Variants in PKD1L3 observed in about 807,000 individuals in gnomAD.
PKD1L3 encodes polycystin-1-like protein 3.
Under a neutral mutation model 184.1 loss-of-function variants are expected in PKD1L3, and 239 were observed. The observed-to-expected ratio is 1.30, with a 90% CI of 1.17 to 1.45. The LOEUF is 1.45. Ranked by LOEUF, PKD1L3 falls within the 40% of genes most tolerant of loss-of-function variation. The probability of loss-of-function intolerance (pLI) is 0.00; values close to 1 mark genes in which losing one functional copy is unlikely to be tolerated. For synonymous variants in PKD1L3, 996 were observed against 778.8 expected (o/e 1.28, Z -4.64); for missense variants, 2,660 against 2,067.2 (o/e 1.29, Z -5.56).
rs2143652337 is a variant in PKD1L3, at chr16:71,973,431, G to C, written c.1846C>G (p.Gln616Glu). ...CTGGGTGTCTGCTGAGCACCCTCCT[G>C]CCTCTCACTCAGCACAGCTGTTATA... is the stretch of plus-strand genomic sequence containing the variant. ...YYITAVLSER[Q>E]EGAQQTPSLV... The change falls in exon 12 of 30, where the codon CAG (glutamine) becomes GAG (glutamate). Residue 616 changes from glutamine to glutamate, a missense_variant. Physicochemically the swap from Gln to Glu is conservative, Grantham distance 29. Transcript: ENST00000620267. The C allele has an allele frequency of 6.4e-7, 1 of 1,551,668 alleles. No individual in the cohort carries two copies. Among genetic ancestry groups the C allele is most frequent in the Non-Finnish European group, 8.7e-7 (1 of 1,147,006 alleles).
intron 22 of PKD1L3, among the ~76,000 whole-genome samples, chr16:71,945,301 T>TACAC (rs1167346276): frequency 1.8e-5 from 1 of 55,694 alleles, no homozygotes; most frequent in African/African-American, 7.5e-5. Context: ...TATATATATA[T>TACAC]ATATACACAC....
At chr16:71,940,174 C>T (rs997878115) in intron 24 of PKD1L3, among the ~76,000 whole-genome samples, 1 of 152,090 alleles carries the variant, frequency 6.6e-6, no homozygotes, top group African/African-American at 2.4e-5. Context: ...CATTCACAAC[C>T]AGGTATTTGC....
chr16:71,965,505 G>A (rs1243056452), intron 15 of PKD1L3, among the ~76,000 whole-genome samples: 1 of 150,276 alleles, frequency 6.7e-6, no homozygotes, highest in Non-Finnish European at 1.5e-5. Context: ...CTAGGGGCGT[G>A]TGAGTGTTTC....
intron 24 of PKD1L3, among the ~76,000 whole-genome samples, chr16:71,939,142 T>C (rs111290197): frequency 6.6e-6 from 1 of 152,236 alleles, no homozygotes; most frequent in Admixed American, 6.5e-5. Context: ...CCACATGCAG[T>C]ACATCTGGTC....
At chr16:71,958,991 A>G (rs2039163213) in intron 16 of PKD1L3, among the ~76,000 whole-genome samples, 1 of 150,570 alleles carries the variant, frequency 6.6e-6, no homozygotes, top group Non-Finnish European at 1.5e-5. Flanking sequence ...GGAGGCTGAG[A>G]AAGAATTGCT....
chr16:71,943,092 A>AT lies in PKD1L3; in HGVS notation c.3860-69dup, dbSNP rs1372518903. ...CTTAGAAATCCTCTATGTCTTTTTC[A>AT]TTTTTCCTAAGTCTATAGACTTATG... On this transcript the variant is annotated intron_variant, in intron 23 of 29. Transcript: ENST00000620267. 4.6e-6 allele frequency: 6 copies of AT among 1,294,142 alleles called. No homozygotes were observed. In the East Asian group the frequency reaches 1.3e-4, roughly 27 times the overall value. The allele number at this position is 1,294,142 out of a possible 1,614,324, so 80.2% of individuals were successfully genotyped here.
At chr16:71,964,709 C>T (rs1481976664) in intron 15 of PKD1L3, among the ~76,000 whole-genome samples, 2 of 151,944 alleles carry the variant, frequency 1.3e-5, no homozygotes, top group Non-Finnish European at 2.9e-5. Context: ...GCTCCCTATC[C>T]CTCCTTCCAG....
chr16:71,969,024 G>C (rs1413312138), intron 13 of PKD1L3, among the ~76,000 whole-genome samples: 2 of 151,798 alleles, frequency 1.3e-5, no homozygotes, highest in African/African-American at 4.8e-5. Context: ...TCTGTCTCCC[G>C]GGCTCAAGCA....
Position 71,973,510 on chromosome 16 carries a change from C to G in PKD1L3, c.1767G>C (p.Glu589Asp), listed in dbSNP as rs1305476607. 12 of 1,551,404 alleles carry G rather than the reference C, an allele frequency of 7.7e-6. No homozygotes were observed. The highest frequency in any genetic ancestry group is 1.0e-5 in the Non-Finnish European group (12 of 1,146,854). Residue 589 changes from glutamate to aspartate, a missense_variant, in exon 12 of 30, where the codon GAG becomes GAC. By Grantham distance (45) the Glu-to-Asp change is conservative. Coordinates refer to ENST00000620267, the MANE Select transcript of PKD1L3 (RefSeq NM_181536.2). ...GCTCTGGATTCAGCACCCACGTGTACTCCTCATCTTAGAACAAAGAAGAGT... is the reference window on the plus strand; with the variant it reads ...GCTCTGGATTCAGCACCCACGTGTAGTCCTCATCTTAGAACAAAGAAGAGT... The part of the protein sequence containing the change: ...PKDKVWQKDE[E>D]YTWVLNPEHL...
At chr16:71,958,113 C>G (rs189819359) in intron 16 of PKD1L3, among the ~76,000 whole-genome samples, 25 of 151,612 alleles carry the variant, frequency 1.6e-4, no homozygotes, top group Non-Finnish European at 2.9e-5. Context: ...CACGGCCGGG[C>G]GCGGTGGCTC....
intron 17 of PKD1L3, 119 bp from the exon 18 acceptor site, chr16:71,953,212 A>C: frequency 1.2e-6 from 1 of 847,190 alleles, no homozygotes; most frequent in Non-Finnish European, 1.7e-6. Context: ...TAGAGATAAA[A>C]TTATCCTGGC....
At position 71,967,913 on chromosome 16, in the gene PKD1L3, G is replaced by A. The variant is rs2039561958; in HGVS notation, c.2279C>T (p.Thr760Ile). 1.9e-6 allele frequency: 3 copies of A among 1,549,648 alleles called. No individual in the cohort carries two copies. The highest frequency in any genetic ancestry group is 1.7e-4 in the Middle Eastern group (1 of 5,984). ...YTGYRRSAAT[T>I]AKVVITLYGS... ...AACATTTATTTCATTAACCTTAGCTGTTGTAGCAGCGCTTCTTCGATATCC... is the reference window on the plus strand; with the variant it reads ...AACATTTATTTCATTAACCTTAGCTATTGTAGCAGCGCTTCTTCGATATCC... Residue 760 changes from threonine to isoleucine, a missense_variant, in exon 14 of 30, where the codon ACA becomes ATA. Physicochemically the swap from Thr to Ile is moderately conservative, Grantham distance 89. Coordinates refer to ENST00000620267, the MANE Select transcript of PKD1L3 (RefSeq NM_181536.2).
At position 71,941,891 on chromosome 16, in the gene PKD1L3, C is replaced by T. The variant is rs77595216; in HGVS notation, c.4324+669G>A. On this transcript the variant is annotated intron_variant, in intron 24 of 29. Transcript: ENST00000620267. ...GAGCCACCGTGCCCGACCTCTATGACATTCTTTCATAACTCAGAGGACAAA... is the reference window on the plus strand; with the variant it reads ...GAGCCACCGTGCCCGACCTCTATGATATTCTTTCATAACTCAGAGGACAAA... 4.4e-3 allele frequency among the ~76,000 whole-genome samples: 671 copies of T among 151,774 alleles called. 2 individuals are homozygous for T. Among genetic ancestry groups the T allele is most frequent in the Non-Finnish European group, 7.0e-3 (474 of 67,930 alleles).
In PKD1L3 at chr16:71,934,035, C is replaced by G; in HGVS notation, c.4704G>C (p.Trp1568Cys). 1 of 1,551,870 alleles carries G rather than the reference C, an allele frequency of 6.4e-7. No homozygotes were observed. Among genetic ancestry groups the G allele is most frequent in the Non-Finnish European group, 8.7e-7 (1 of 1,147,046 alleles). Residue 1568 changes from tryptophan to cysteine, a missense_variant, in exon 27 of 30, where the codon TGG becomes TGC. By Grantham distance (215) the Trp-to-Cys change is radical (BLOSUM62 -2). Transcript: ENST00000620267. ...FPVLLATVQL[W>C]NLLRHSPRLR... is the part of the protein sequence containing the mutation. ...GCCTGGGGCTATGACGCAGCAGGTT[C>G]CATAACTGAACAGTTGCCAGGAGAA...
chr16:71,951,951 C>A (rs1342673889), intron 18 of PKD1L3, among the ~76,000 whole-genome samples: 2 of 152,028 alleles, frequency 1.3e-5, no homozygotes, highest in Non-Finnish European at 2.9e-5. Flanking sequence ...TGAGACAATA[C>A]AGAATGAAAA....
intron 27 of PKD1L3, 37 bp downstream of exon 27, chr16:71,933,878 C>T (rs1376684270): frequency 1.3e-6 from 2 of 1,540,320 alleles, no homozygotes. Context: ...AAGACCACAG[C>T]ACACGGAGAA....
chr16:71,993,749 A>G (rs1259452890), intron 2 of PKD1L3, among the ~76,000 whole-genome samples: 4 of 151,664 alleles, frequency 2.6e-5, no homozygotes, highest in Non-Finnish European at 4.4e-5. Context: ...TCTCATTGGT[A>G]GAGATAAAAG....
intron 16 of PKD1L3, among the ~76,000 whole-genome samples, chr16:71,958,260 G>A (rs993011275): frequency 1.5e-4 from 23 of 150,516 alleles, no homozygotes; most frequent in Admixed American, 8.6e-4. Flanking sequence ...AGTGGCGGGC[G>A]CCTGTAGTCC....
intron 13 of PKD1L3, among the ~76,000 whole-genome samples, chr16:71,969,073 G>A (rs2039610612): frequency 6.6e-6 from 1 of 151,858 alleles, no homozygotes. Context: ...TGGGATTACA[G>A]GCACATGCCA....
Sources: gnomAD v4.1 joint callset for allele counts (sites outside exome capture counted in the v4.1 genomes callset) on GRCh38, gnomAD v4.1.1 for gene constraint, MANE v1.5 for transcripts, NCBI Gene and HGNC (gene_info 2026-07-23, HGNC 2026-07-21) for gene names.